Variants in GAS2L3 observed in about 807,000 individuals in gnomAD.
GAS2L3 encodes the protein growth arrest specific 2 like 3, also known as GAS2-like protein 3.
GAS2L3 carries 28 observed loss-of-function variants against 37.0 expected under a neutral mutation model. That is an observed-to-expected ratio of 0.76 (90% CI 0.56 to 1.04). The LOEUF (loss-of-function observed/expected upper bound fraction) is 1.04. Ranked by LOEUF, GAS2L3 falls within the 50% of genes least tolerant of loss-of-function variation. GAS2L3 has a pLI of 0.00. For missense variants in GAS2L3, 793 were observed against 817.6 expected (o/e 0.97, Z 0.37); for synonymous variants, 290 against 296.6 (o/e 0.98, Z 0.23).
At chr12:100,613,377 G>T (rs1956149001) in intron 6 of GAS2L3, among the ~76,000 whole-genome samples, 1 of 152,012 alleles carries the variant, frequency 6.6e-6, no homozygotes, top group South Asian at 2.1e-4. Context: ...TTTACACTTT[G>T]CTAGCAACTC....
chr12:100,610,305 A>C (rs886603917), intron 5 of GAS2L3, among the ~76,000 whole-genome samples: 4 of 152,220 alleles, frequency 2.6e-5, no homozygotes, highest in African/African-American at 9.7e-5. Context: ...ATTCATTGGA[A>C]ACAATTTTTT....
At chr12:100,585,852 C>T (rs780628999) in intron 1 of GAS2L3, among the ~76,000 whole-genome samples, 2 of 152,168 alleles carry the variant, frequency 1.3e-5, no homozygotes, top group Non-Finnish European at 2.9e-5. Context: ...TTCCCTCTTC[C>T]ACACTACTCT....
intron 3 of GAS2L3, among the ~76,000 whole-genome samples, chr12:100,597,792 A>G (rs1955933067): frequency 6.6e-6 from 1 of 152,058 alleles, no homozygotes; most frequent in African/African-American, 2.4e-5. Context: ...AGTTTGTTGC[A>G]TTACCTATGG....
intron 2 of GAS2L3, among the ~76,000 whole-genome samples, chr12:100,594,395 A>G (rs1309453122): frequency 6.6e-6 from 1 of 152,066 alleles, no homozygotes; most frequent in African/African-American, 2.4e-5. Context: ...GTTTATCTTT[A>G]TTAGCAGAAT....
At chr12:100,619,105 T>A (rs147002864) in intron 8 of GAS2L3, among the ~76,000 whole-genome samples, 1 of 151,860 alleles carries the variant, frequency 6.6e-6, no homozygotes, top group African/African-American at 2.4e-5. Flanking sequence ...TGAGAGAGAA[T>A]CTAGGGTGAT....
chr12:100,579,042 A>T, intron 1 of GAS2L3: 1 of 763,104 alleles, frequency 1.3e-6, no homozygotes, highest in Middle Eastern at 2.4e-4. Flanking sequence ...ATGTATAACC[A>T]GTCTATGGCC....
intron 1 of GAS2L3, among the ~76,000 whole-genome samples, chr12:100,574,271 T>G (rs1335237891): frequency 2.6e-5 from 4 of 152,314 alleles, no homozygotes; most frequent in African/African-American, 9.6e-5. Context: ...TCTCTGGCCC[T>G]GCAAAGAGAA....
At chr12:100,612,216 T>A in intron 6 of GAS2L3, 75 bp downstream of exon 6, 1 of 1,291,920 alleles carries the variant, frequency 7.7e-7, no homozygotes, top group Admixed American at 2.0e-5. Flanking sequence ...CTAATTTTTC[T>A]TTCCAAATAA....
chr12:100,579,129 G>T, intron 1 of GAS2L3: 2 of 702,864 alleles, frequency 2.8e-6, no homozygotes, highest in Non-Finnish European at 2.7e-6. Context: ...CATTCACATA[G>T]TTCATTTTCT....
intron 8 of GAS2L3, among the ~76,000 whole-genome samples, chr12:100,619,116 T>A (rs1164792916): frequency 6.6e-6 from 1 of 151,990 alleles, no homozygotes; most frequent in South Asian, 2.1e-4. Context: ...CTAGGGTGAT[T>A]TCCAAGGTTT....
Position 100,627,427 on chromosome 12 carries a change from A to G in GAS2L3, c.*2537A>G, listed in dbSNP as rs1414055349. The G allele has an allele frequency of 2.6e-5, 4 of 152,026 alleles. No individual in the cohort carries two copies. The highest frequency in any genetic ancestry group is 2.6e-4 in the Admixed American group (4 of 15,270). 9.4% of individuals were successfully genotyped at this position (152,026 alleles called of 1,614,324 possible). A position where few individuals can be genotyped will look rare whatever the true frequency, so the allele number is the denominator to read the frequency against. ...GTGGTTGGGATTACAGGCATCCACC[A>G]CCAGGCCCAGCTAATTTTTTTGTAT... On this transcript the variant is annotated 3_prime_UTR_variant, in exon 10 of 10. Coordinates refer to ENST00000547754, the MANE Select transcript of GAS2L3 (RefSeq NM_174942.3).
chr12:100,580,612 A>G (rs2136379667), intron 1 of GAS2L3, among the ~76,000 whole-genome samples: 1 of 152,350 alleles, frequency 6.6e-6, no homozygotes, highest in East Asian at 1.9e-4. Flanking sequence ...TCTTCAGGGA[A>G]GTACAACAAC....
chr12:100,582,679 C>A (rs1008774775), intron 1 of GAS2L3, among the ~76,000 whole-genome samples: 4 of 152,166 alleles, frequency 2.6e-5, no homozygotes, highest in Admixed American at 2.0e-4. Context: ...GACAAAAAAA[C>A]CCAGAGTGTA....
chr12:100,610,008 C>T (rs934551865), intron 5 of GAS2L3, among the ~76,000 whole-genome samples: 2 of 152,180 alleles, frequency 1.3e-5, no homozygotes, highest in Non-Finnish European at 2.9e-5. Context: ...CCAGATTGCT[C>T]ATTTGATTTT....
chr12:100,622,305 A>G lies in GAS2L3; in HGVS notation c.679A>G (p.Ser227Gly), dbSNP rs1367419395. The change falls in exon 9 of 10, where the codon AGT becomes GGT. Residue 227 changes from serine to glycine, a missense_variant. Physicochemically the swap from Ser to Gly is moderately conservative, Grantham distance 56. Transcript: ENST00000547754. ...ACATATTGCTGAGGACCCTCCTTGT[A>G]GTTGTTCTCATCGATTTTCTATTGA... is the stretch of plus-strand genomic sequence containing the variant. ...VKHIAEDPPC[S>G]CSHRFSIEYL... The G allele has an allele frequency of 3.1e-6, 5 of 1,602,804 alleles. No individual in the cohort carries two copies.
At chr12:100,613,969 T>A (rs551377832) in intron 6 of GAS2L3, among the ~76,000 whole-genome samples, 3 of 152,258 alleles carry the variant, frequency 2.0e-5, no homozygotes, top group Admixed American at 2.0e-4. Flanking sequence ...AGGTTAGAAT[T>A]CAGAAGTTTC....
chr12:100,622,363 A>C lies in GAS2L3; in HGVS notation c.737A>C (p.Asp246Ala). 6.5e-7 allele frequency: 1 copy of C among 1,543,332 alleles called. No homozygotes were observed. The highest frequency in any genetic ancestry group is 8.9e-7 in the Non-Finnish European group (1 of 1,117,846). The change falls in exon 9 of 10, where the codon GAT becomes GCT. Residue 246 changes from aspartate to alanine, a missense_variant. Transcript: ENST00000547754. ...YLSEGRYRLG[D>A]KILFIRMLHG... Reference sequence around the variant, plus strand: ...TCTGAAGGACGGTACCGACTAGGGGATAAAATACTCTTTATAAGAGTAAGT... The same window carrying C: ...TCTGAAGGACGGTACCGACTAGGGGCTAAAATACTCTTTATAAGAGTAAGT...
intron 1 of GAS2L3, chr12:100,578,882 G>T: frequency 1.3e-6 from 1 of 783,656 alleles, no homozygotes; most frequent in Non-Finnish European, 2.3e-6. Flanking sequence ...CCCAAATATG[G>T]GAGGTGTGGA....
At chr12:100,589,099 A>C (rs769108549) in intron 1 of GAS2L3, among the ~76,000 whole-genome samples, 4 of 152,224 alleles carry the variant, frequency 2.6e-5, no homozygotes, top group Non-Finnish European at 4.4e-5. Flanking sequence ...GACAGGCATA[A>C]GGAATTATAA....
Sources: gnomAD v4.1 joint callset for allele counts (sites outside exome capture counted in the v4.1 genomes callset) on GRCh38, gnomAD v4.1.1 for gene constraint, MANE v1.5 for transcripts, NCBI Gene and HGNC (gene_info 2026-07-23, HGNC 2026-07-21) for gene names.